GP2: variants seen among roughly 807,000 people sequenced by gnomAD.
GP2 encodes the protein pancreatic secretory granule membrane major glycoprotein GP2.
GP2 carries 58 observed loss-of-function variants against 60.8 expected under a neutral mutation model. The ratio of observed to expected loss-of-function variants is 0.95; its 90% CI spans 0.77 to 1.19. The LOEUF (loss-of-function observed/expected upper bound fraction) is 1.19. Ranked by LOEUF, GP2 falls within the 50% of genes most tolerant of loss-of-function variation. The probability of loss-of-function intolerance (pLI) is 0.00; values close to 1 mark genes in which losing one functional copy is unlikely to be tolerated. For missense variants in GP2, 647 were observed against 667.4 expected, an observed-to-expected ratio of 0.97 and a Z score of 0.34; for synonymous variants, 280 against 253.4, an observed-to-expected ratio of 1.10 and a Z score of -1.00.
At position 20,316,003 on chromosome 16, in the gene GP2, G is replaced by A; in HGVS notation, c.1454C>T (p.Ala485Val). ...ATCTAGAACCCGGGCTAGGTCGATG[G>A]CCGGTACTTCACTGCGGACTTGACT... ...SRSQVRSEVP[A>V]IDLARVLDLG... Residue 485 changes from alanine to valine, a missense_variant, in exon 9 of 11, where the codon GCC becomes GTC. Transcript: ENST00000302555. 2 of 1,613,284 alleles carry A rather than the reference G, an allele frequency of 1.2e-6. No individual in the cohort carries two copies. Among genetic ancestry groups the A allele is most frequent in the South Asian group, 2.2e-5 (2 of 91,060 alleles).
Position 20,323,884 on chromosome 16 carries a change from G to A in GP2, c.467C>T (p.Ala156Val). ...GTACACATGGTACCCGCCTGGGCAG[G>A]CCTTCACCAGCACCTCTGTTTTCCA... ...CFWKTEVLVK[A>V]CPGGYHVYRL... Residue 156 changes from alanine (A) to valine (V), a missense_variant, in exon 3 of 11, where the codon GCC becomes GTC. Transcript: ENST00000302555. The A allele has an allele frequency of 6.2e-7, 1 of 1,614,084 alleles. No homozygotes were observed. Among genetic ancestry groups the A allele is most frequent in the Non-Finnish European group, 8.5e-7 (1 of 1,179,938 alleles).
intron 9 of GP2, among the ~76,000 whole-genome samples, chr16:20,315,248 G>C (rs1964126751): frequency 6.6e-6 from 1 of 152,108 alleles, no homozygotes. Flanking sequence ...AAAGGCATTT[G>C]ACAAAGTGCC....
Position 20,326,409 on chromosome 16 carries a change from A to G in GP2, c.23T>C (p.Met8Thr), listed in dbSNP as rs926236669. 6.2e-7 allele frequency: 1 copy of G among 1,613,162 alleles called. No homozygotes were observed. Among genetic ancestry groups the G allele is most frequent in the East Asian group, 2.2e-5 (1 of 44,878 alleles). Reference sequence around the variant, plus strand: ...CAGCCACAGGAGGCCAGAGCCCACCATCCTTTCCATAAGGTGAGGCATGCA... The same window carrying G: ...CAGCCACAGGAGGCCAGAGCCCACCGTCCTTTCCATAAGGTGAGGCATGCA... Reference protein sequence around the residue: MPHLMERMVGSGLLWLAL... With the variant: MPHLMERTVGSGLLWLAL... Residue 8 changes from methionine to threonine, a missense_variant, in exon 2 of 11, where the codon ATG (methionine) becomes ACG (threonine). Transcript: ENST00000302555.
At chr16:20,323,494 C>CG (rs980934011) in intron 3 of GP2, 22 of 616,630 alleles carry the variant, frequency 3.6e-5, no homozygotes, top group Admixed American at 3.2e-4. Flanking sequence ...TACCCCCCCC[C>CG]CCTTTTTTTC....
chr16:20,315,574 G>A (rs1437049413), intron 9 of GP2, among the ~76,000 whole-genome samples: 1 of 152,176 alleles, frequency 6.6e-6, no homozygotes, highest in African/African-American at 2.4e-5. Context: ...GGAAGCAGGT[G>A]GAATAAGGAA....
intron 7 of GP2, 44 bp downstream of exon 7, chr16:20,318,141 A>G: frequency 2.6e-6 from 4 of 1,538,098 alleles, no homozygotes; most frequent in Non-Finnish European, 3.6e-6. Flanking sequence ...ACTTTCCTGT[A>G]AACGTTAGTA....
At chr16:20,316,628 C>A (rs1026743022) in intron 8 of GP2, among the ~76,000 whole-genome samples, 1 of 152,018 alleles carries the variant, frequency 6.6e-6, no homozygotes, top group Admixed American at 6.5e-5. Context: ...CTAAAAAAGT[C>A]ATCTATGATT....
chr16:20,318,145 G>C, intron 7 of GP2, 40 bp downstream of exon 7: 1 of 1,572,076 alleles, frequency 6.4e-7, no homozygotes, highest in Non-Finnish European at 8.8e-7. Flanking sequence ...TCCTGTAAAC[G>C]TTAGTAAGGC....
rs1174542918 is a variant in GP2 at position 20,324,205 on chromosome 16, C to A, written c.146G>T (p.Gly49Val). 7.4e-6 allele frequency: 12 copies of A among 1,613,758 alleles called. No individual in the cohort carries two copies. Among genetic ancestry groups the A allele is most frequent in the Middle Eastern group, 1.7e-4 (1 of 6,060 alleles). Residue 49 changes from glycine to valine, a missense_variant, in exon 3 of 11, where the codon GGA becomes GTA. By Grantham distance (109) the Gly-to-Val change is moderately radical. Transcript: ENST00000302555. ...ASSYGLDLDCGAPGTPEAHVC... is the reference protein window; with the variant it reads ...ASSYGLDLDCVAPGTPEAHVC... ...ATGAGCCTCTGGGGTGCCAGGAGCT[C>A]CGCAGTCCAGGTCCAGCCCATACGA...
rs779081634 is a variant in GP2 at position 20,322,874 on chromosome 16, C to T, written c.641G>A (p.Ser214Asn). The change falls in exon 4 of 11, where the codon AGT becomes AAT. Residue 214 changes from serine to asparagine, a missense_variant. Physicochemically the swap from Ser to Asn is conservative, Grantham distance 46. Transcript: ENST00000302555. ...TTGCCCAGTGAGCAGCTCACCAGAACTATTGAGGTCCTGTCTGCAGAAACA... is the reference window on the plus strand; with the variant it reads ...TTGCCCAGTGAGCAGCTCACCAGAATTATTGAGGTCCTGTCTGCAGAAACA... Reference protein sequence around the residue: ...WGCFCRQDLNSSDVHSLQPQL... With the variant: ...WGCFCRQDLNNSDVHSLQPQL... 2 of 1,571,074 alleles carry T rather than the reference C, an allele frequency of 1.3e-6. No homozygotes were observed. The highest frequency in any genetic ancestry group is 1.8e-6 in the Non-Finnish European group (2 of 1,140,616).
rs1964244496 is a variant in GP2, at chr16:20,318,211, A to T, written c.1227T>A (p.Leu409=). ...YATPTEDKAD[L]VKYFIIRNSC... ...TGTTTCTGATGATGAAATACTTCACAAGGTCAGCCTTGTCTTCAGTGGGGG... is the reference window on the plus strand; with the variant it reads ...TGTTTCTGATGATGAAATACTTCACTAGGTCAGCCTTGTCTTCAGTGGGGG... The change falls in exon 7 of 11, where the codon CTT becomes CTA. Residue 409 remains leucine (L), a synonymous_variant. Coordinates refer to ENST00000302555, the MANE Select transcript of GP2 (RefSeq NM_001502.4). 6.2e-7 allele frequency: 1 copy of T among 1,613,380 alleles called. No homozygotes were observed. Among genetic ancestry groups the T allele is most frequent in the African/African-American group, 1.3e-5 (1 of 74,904 alleles).
chr16:20,313,248 T>G (rs1168046220), intron 10 of GP2, among the ~76,000 whole-genome samples: 3 of 84,414 alleles, frequency 3.6e-5, no homozygotes, highest in Non-Finnish European at 1.1e-4. Flanking sequence ...TCTCTCTCTC[T>G]CTCTGTCTCT....
rs540114066 is a variant in GP2 at position 20,326,386 on chromosome 16, G to A, written c.46C>T (p.Leu16=). Residue 16 remains leucine, a synonymous_variant, in exon 2 of 11, where the codon CTG becomes TTG. Coordinates refer to ENST00000302555, the MANE Select transcript of GP2 (RefSeq NM_001502.4). ...GTCAGAATGCAGGAGACCAAGGCCA[G>A]CCACAGGAGGCCAGAGCCCACCATC... is the stretch of plus-strand genomic sequence containing the variant. The part of the protein sequence containing the change: ...ERMVGSGLLW[L]ALVSCILTQA... 2.1e-5 allele frequency: 34 copies of A among 1,613,470 alleles called. No homozygotes were observed. The highest frequency in any genetic ancestry group is 2.9e-5 in the Non-Finnish European group (34 of 1,179,488).
At chr16:20,311,615 G>T (rs1187638714) in intron 10 of GP2, among the ~76,000 whole-genome samples, 1 of 152,140 alleles carries the variant, frequency 6.6e-6, no homozygotes, top group Non-Finnish European at 1.5e-5. Context: ...ATATCCTGTT[G>T]CTCTCTCATC....
rs1964461618 is a variant in GP2, at chr16:20,324,186, C to T, written c.165G>A (p.Glu55=). 1 of 1,613,594 alleles carries T rather than the reference C, an allele frequency of 6.2e-7. No homozygotes were observed. The highest frequency in any genetic ancestry group is 8.5e-7 in the Non-Finnish European group (1 of 1,179,584). ...GACAGGGGTCAAAACAGACATGAGCCTCTGGGGTGCCAGGAGCTCCGCAGT... is the reference window on the plus strand; with the variant it reads ...GACAGGGGTCAAAACAGACATGAGCTTCTGGGGTGCCAGGAGCTCCGCAGT... ...DLDCGAPGTP[E]AHVCFDPCQN... Residue 55 remains glutamate, a synonymous_variant, in exon 3 of 11, where the codon GAG becomes GAA. Transcript: ENST00000302555.
intron 7 of GP2, 25 bp from the exon 8 acceptor site, chr16:20,317,400 T>A: frequency 6.3e-7 from 1 of 1,596,994 alleles, no homozygotes; most frequent in Non-Finnish European, 8.6e-7. Context: ...GGGGCAAAGG[T>A]GTAACTTCTA....
At chr16:20,316,165 A>G in intron 8 of GP2, 125 bp from the exon 9 acceptor site, 1 of 604,570 alleles carries the variant, frequency 1.7e-6, no homozygotes, top group South Asian at 2.1e-5. Context: ...TATGGCCCTA[A>G]TTCCGATGCT....
chr16:20,311,416 T>C (rs562594673), intron 10 of GP2, 135 bp from the exon 11 acceptor site: 5 of 639,374 alleles, frequency 7.8e-6, no homozygotes, highest in Non-Finnish European at 1.4e-5. Flanking sequence ...AGTTATAGTC[T>C]CTGGGACTCA....
At chr16:20,326,702 G>A (rs1411983147) in intron 1 of GP2, 2 of 389,338 alleles carry the variant, frequency 5.1e-6, no homozygotes, top group Non-Finnish European at 9.2e-6. Context: ...CTGCTCAGGT[G>A]GAAGTAGAGG....
Sources: gnomAD v4.1 joint callset for allele counts (sites outside exome capture counted in the v4.1 genomes callset) on GRCh38, gnomAD v4.1.1 for gene constraint, MANE v1.5 for transcripts, NCBI Gene and HGNC (gene_info 2026-07-23, HGNC 2026-07-21) for gene names.